LRMDA: variants seen among roughly 807,000 people sequenced by gnomAD.
The protein encoded by LRMDA is leucine-rich melanocyte differentiation-associated protein.
In LRMDA, 18 loss-of-function variants were observed where a neutral mutation model predicts 29.8. The ratio of observed to expected loss-of-function variants is 0.60; its 90% CI spans 0.42 to 0.90. The LOEUF (loss-of-function observed/expected upper bound fraction) is 0.90, where lower values mean the gene tolerates loss of function less well. Ranked by LOEUF, LRMDA falls within the 40% of genes least tolerant of loss-of-function variation. The probability of loss-of-function intolerance (pLI) is 0.00; values close to 1 mark genes in which losing one functional copy is unlikely to be tolerated. For missense variants in LRMDA, 273 were observed against 273.9 expected (o/e 1.00, Z 0.02); for synonymous variants, 125 against 109.4 (o/e 1.14, Z -0.89).
At chr10:76,396,651 C>G (rs182625025) in intron 6 of LRMDA, 1 of 152,282 alleles carries the variant, frequency 6.6e-6, no homozygotes, top group East Asian at 1.9e-4. Context: ...GGTGTCTCCT[C>G]TCCGCACCAC....
rs1241123438 is a variant in LRMDA at position 76,379,819 on chromosome 10, G to T, written c.601+55334G>T. ...GCGTGACCTTAGACTGTTAATTTTTGATCTATCTTTTGAATATAGGCATTT... is the reference window on the plus strand; with the variant it reads ...GCGTGACCTTAGACTGTTAATTTTTTATCTATCTTTTGAATATAGGCATTT... On this transcript the variant is annotated intron_variant, in intron 6 of 6. Coordinates refer to ENST00000611255, the MANE Select transcript of LRMDA (RefSeq NM_001305581.2). 3.9e-5 allele frequency among the ~76,000 whole-genome samples: 6 copies of T among 152,040 alleles called. No homozygotes were observed. In the South Asian group the frequency reaches 1.0e-3, roughly 26 times the overall value.
chr10:76,326,933 T>C (rs1028356221), intron 6 of LRMDA, among the ~76,000 whole-genome samples: 1 of 152,184 alleles, frequency 6.6e-6, no homozygotes, highest in Non-Finnish European at 1.5e-5. Context: ...ATCTGAGTTA[T>C]GTTGATTTTC....
chr10:75,530,069 A>G (rs1845459398), intron 2 of LRMDA, among the ~76,000 whole-genome samples: 2 of 152,056 alleles, frequency 1.3e-5, no homozygotes, highest in South Asian at 4.1e-4. Flanking sequence ...TAAAACATAC[A>G]TATATTTTAG....
intron 3 of LRMDA, among the ~76,000 whole-genome samples, chr10:76,045,265 C>A (rs1345485253): frequency 1.4e-5 from 2 of 142,232 alleles, no homozygotes; most frequent in Non-Finnish European, 3.0e-5. Context: ...CCCTCTCTTG[C>A]TAGTTTCCCC....
chr10:76,474,793 T>C (rs1349159365), intron 6 of LRMDA, among the ~76,000 whole-genome samples: 1 of 151,714 alleles, frequency 6.6e-6, no homozygotes. Context: ...ATGAAGCTGC[T>C]TTGGAAAACA....
Position 75,608,410 on chromosome 10 carries a change from A to G in LRMDA, c.131+169916A>G, listed in dbSNP as rs188947785. ...GATGTAATAAGTTCTGGAGACCTAAATGTACAGCATGTGACTATAGTTAAT... is the reference window on the plus strand; with the variant it reads ...GATGTAATAAGTTCTGGAGACCTAAGTGTACAGCATGTGACTATAGTTAAT... On this transcript the variant is annotated intron_variant, in intron 2 of 6. Coordinates refer to ENST00000611255, the MANE Select transcript of LRMDA (RefSeq NM_001305581.2). 3.9e-5 allele frequency among the ~76,000 whole-genome samples: 6 copies of G among 152,172 alleles called. No homozygotes were observed. The East Asian group carries it at 1.2e-3, about 29-fold the overall frequency.
chr10:75,879,506 G>A (rs566732012), intron 2 of LRMDA, among the ~76,000 whole-genome samples: 54 of 152,228 alleles, frequency 3.5e-4, no homozygotes, highest in Non-Finnish European at 5.7e-4. Flanking sequence ...GGAAAATGCC[G>A]GCCAGGTCCC....
At chr10:75,583,462 A>G (rs968252595) in intron 2 of LRMDA, among the ~76,000 whole-genome samples, 1 of 152,182 alleles carries the variant, frequency 6.6e-6, no homozygotes, top group Non-Finnish European at 1.5e-5. Context: ...TAGCTGCTAC[A>G]TACTTCTAAA....
intron 6 of LRMDA, among the ~76,000 whole-genome samples, chr10:76,441,698 C>G (rs1335263605): frequency 6.6e-6 from 1 of 152,118 alleles, no homozygotes; most frequent in East Asian, 1.9e-4. Flanking sequence ...GGCTCTGCCC[C>G]CCTCTCCTCT....
intron 2 of LRMDA, among the ~76,000 whole-genome samples, chr10:75,787,346 C>T (rs1004538760): frequency 4.6e-5 from 7 of 152,166 alleles, no homozygotes; most frequent in Non-Finnish European, 1.0e-4. Flanking sequence ...ATAGCCTGTG[C>T]TTTCCCCATT....
chr10:76,397,237 C>A (rs1841795500), intron 6 of LRMDA, among the ~76,000 whole-genome samples: 1 of 152,136 alleles, frequency 6.6e-6, no homozygotes, highest in African/African-American at 2.4e-5. Context: ...GAGAAGGAGG[C>A]CGGGCTTTGC....
At chr10:76,462,485 T>C (rs193210548) in intron 6 of LRMDA, among the ~76,000 whole-genome samples, 47 of 152,332 alleles carry the variant, frequency 3.1e-4, no homozygotes, top group African/African-American at 8.4e-4. Context: ...AGCTCCTTTT[T>C]GTTAACATTC....
intron 2 of LRMDA, among the ~76,000 whole-genome samples, chr10:75,949,539 G>C (rs1234269713): frequency 1.3e-5 from 2 of 152,128 alleles, no homozygotes; most frequent in Non-Finnish European, 2.9e-5. Flanking sequence ...AAGGCCATGG[G>C]GTATAATTGG....
intron 2 of LRMDA, among the ~76,000 whole-genome samples, chr10:75,531,402 C>G (rs1404770649): frequency 6.6e-6 from 1 of 152,192 alleles, no homozygotes; most frequent in East Asian, 1.9e-4. Context: ...CCTTCACAGA[C>G]TCGTGGTGAG....
chr10:76,177,421 A>G (rs1850960404), intron 5 of LRMDA, among the ~76,000 whole-genome samples: 1 of 152,168 alleles, frequency 6.6e-6, no homozygotes, highest in Non-Finnish European at 1.5e-5. Flanking sequence ...ACAACAAAAA[A>G]ACCTCTTCAT....
At chr10:75,439,470 T>A (rs1300128130) in intron 2 of LRMDA, among the ~76,000 whole-genome samples, 1 of 152,182 alleles carries the variant, frequency 6.6e-6, no homozygotes. Flanking sequence ...GAATTAGGAA[T>A]TTGTAATTGG....
chr10:76,151,967 A>G (rs113089311), intron 5 of LRMDA, among the ~76,000 whole-genome samples: 2 of 152,320 alleles, frequency 1.3e-5, no homozygotes, highest in African/African-American at 4.8e-5. Flanking sequence ...AAAAATAAAG[A>G]AAGCCCACAT....
intron 2 of LRMDA, among the ~76,000 whole-genome samples, chr10:75,758,129 G>A (rs1843054771): frequency 6.6e-6 from 1 of 152,204 alleles, no homozygotes; most frequent in Non-Finnish European, 1.5e-5. Flanking sequence ...GAGCCCTGGT[G>A]AGGCAGGTGA....
intron 5 of LRMDA, among the ~76,000 whole-genome samples, chr10:76,228,969 G>A (rs1852010744): frequency 6.6e-6 from 1 of 152,164 alleles, no homozygotes; most frequent in African/African-American, 2.4e-5. Context: ...GCAAGATGTG[G>A]GGAAGGTTAG....
Sources: gnomAD v4.1 joint callset for allele counts (sites outside exome capture counted in the v4.1 genomes callset) on GRCh38, gnomAD v4.1.1 for gene constraint, MANE v1.5 for transcripts, NCBI Gene and HGNC (gene_info 2026-07-23, HGNC 2026-07-21) for gene names.